The following KCNH3 variants were observed in gnomAD, a reference collection of about 807,000 sequenced individuals.
The protein encoded by KCNH3 is voltage-gated inwardly rectifying potassium channel KCNH3.
Under a neutral mutation model 95.6 loss-of-function variants are expected in KCNH3, and 36 were observed. That is an observed-to-expected ratio of 0.38 (90% CI 0.29 to 0.50). KCNH3 has a LOEUF of 0.50. Ranked by LOEUF, KCNH3 falls within the 20% of genes least tolerant of loss-of-function variation. The pLI, the probability that KCNH3 is intolerant of heterozygous loss-of-function variation, is 0.95. For missense variants in KCNH3, 1,030 were observed against 1,484.1 expected, an observed-to-expected ratio of 0.69 and a Z score of 5.03; for synonymous variants, 620 against 646.3, an observed-to-expected ratio of 0.96 and a Z score of 0.62.
intron 3 of KCNH3, among the ~76,000 whole-genome samples, chr12:49,542,328 C>T (rs903822286): frequency 8.5e-5 from 13 of 152,226 alleles, no homozygotes; most frequent in Non-Finnish European, 2.9e-5. Context: ...CTGGTCCCTG[C>T]ACTAGCTCCT....
chr12:49,540,946 GTGGTCTACTGCTC>G lies in KCNH3; in HGVS notation c.127_139del (p.Val43MetfsTer51), dbSNP rs753141258. On this transcript the variant is annotated frameshift_variant, in exon 2 of 15. Coordinates refer to ENST00000257981, the MANE Select transcript of KCNH3 (RefSeq NM_012284.3). LOFTEE classifies it high-confidence loss of function. ...CGCCCAGGTGGCGGGGCTCTTCCCC[GTGGTCTACTGCTC>G]TGATGGCTTCTGTGACCTCACGGGC... The G allele has an allele frequency of 6.2e-7, 1 of 1,614,166 alleles. No individual in the cohort carries two copies. Among genetic ancestry groups the G allele is most frequent in the African/African-American group, 1.3e-5 (1 of 75,078 alleles).
chr12:49,548,916 G>A lies in KCNH3; in HGVS notation c.1211G>A (p.Arg404His). 3 of 1,583,850 alleles carry A rather than the reference G, an allele frequency of 1.9e-6. No individual in the cohort carries two copies. The highest frequency in any genetic ancestry group is 1.7e-6 in the Non-Finnish European group (2 of 1,165,980). Residue 404 changes from arginine (R) to histidine (H), a missense_variant, in exon 8 of 15, where the codon CGC becomes CAC. Arg to His is a conservative substitution (Grantham distance 29). Transcript: ENST00000257981. ...PEIGWLQELA[R>H]RLETPYYLVG... ...TCAGGCTGGCTGCAGGAGCTGGCCCGCCGACTGGAGACTCCCTACTACCTG... is the reference window on the plus strand; with the variant it reads ...TCAGGCTGGCTGCAGGAGCTGGCCCACCGACTGGAGACTCCCTACTACCTG...
In KCNH3 at chr12:49,539,391, G is replaced by A; in HGVS notation, c.-26G>A. The A allele has an allele frequency of 2.0e-6, 3 of 1,513,408 alleles. No individual in the cohort carries two copies. Among genetic ancestry groups the A allele is most frequent in the Non-Finnish European group, 2.6e-6 (3 of 1,136,430 alleles). The allele number at this position is 1,513,408 out of a possible 1,614,324, so 93.7% of individuals were successfully genotyped here. On this transcript the variant is annotated 5_prime_UTR_variant, in exon 1 of 15. It removes an upstream start codon present in the reference 5' UTR. Transcript: ENST00000257981. The surrounding 1 kb of genome is among the most constrained non-coding windows in gnomAD (Gnocchi z 6.7). ...CGGAGTCCCCGCACCCCGGAGGGAT[G>A]GGGCGGGCAGCCGCGGGCGCCTAAG...
Position 49,557,779 on chromosome 12 carries a change from G to A in KCNH3, c.3078G>A (p.Arg1026=). 6.2e-7 allele frequency: 1 copy of A among 1,610,630 alleles called. No homozygotes were observed. The highest frequency in any genetic ancestry group is 2.2e-5 in the East Asian group (1 of 44,768). Residue 1026 remains arginine (R), a synonymous_variant, in exon 15 of 15, where the codon AGG becomes AGA. Transcript: ENST00000257981. ...ASPPPSEEGA[R]TGPAEPVSQA... is the part of the protein sequence containing the mutation. Reference sequence around the variant, plus strand: ...CTCCTCCTTCTGAGGAAGGGGCTAGGACTGGGCCCGCAGAGCCTGTGAGCC... The same window carrying A: ...CTCCTCCTTCTGAGGAAGGGGCTAGAACTGGGCCCGCAGAGCCTGTGAGCC...
chr12:49,548,287 C>T (rs1221130863), intron 7 of KCNH3, among the ~76,000 whole-genome samples: 1 of 152,180 alleles, frequency 6.6e-6, no homozygotes, highest in Admixed American at 6.5e-5. Flanking sequence ...TGTGTTGAGG[C>T]GCCTGTAAGG....
chr12:49,554,190 T>C, intron 10 of KCNH3, 147 bp from the exon 11 acceptor site: 2 of 682,920 alleles, frequency 2.9e-6, no homozygotes, highest in Admixed American at 4.6e-5. Flanking sequence ...GTCCCAGGCC[T>C]CTTTGCTCCT....
In KCNH3 at chr12:49,542,776, C is replaced by T. The variant is rs149910570; in HGVS notation, c.516C>T (p.Ala172=). 27 of 1,597,230 alleles carry T rather than the reference C, an allele frequency of 1.7e-5. No homozygotes were observed. Among genetic ancestry groups the T allele is most frequent in the Admixed American group, 1.6e-4 (9 of 56,594 alleles). The change falls in exon 4 of 15, where the codon GCC becomes GCT. Residue 172 remains alanine (A), a synonymous_variant. Transcript: ENST00000257981. ...GFNANRRRSR[A]VLYHLSGHLQ... is the part of the protein sequence containing the mutation. ...ATGCCAACCGGCGGCGGAGCCGGGC[C>T]GTGCTCTACCACCTGTCCGGGCACC... is the stretch of plus-strand genomic sequence containing the variant.
At chr12:49,556,255 G>A (rs935945122) in intron 12 of KCNH3, 115 bp from the exon 13 acceptor site, 1 of 780,698 alleles carries the variant, frequency 1.3e-6, no homozygotes, top group Non-Finnish European at 2.2e-6. Flanking sequence ...CTGGGCTCCT[G>A]GTCAGTTCCA....
chr12:49,556,130 ACT>A lies in KCNH3; in HGVS notation c.2468+180_2468+181del, dbSNP rs1033413580. Reference sequence around the variant, plus strand: ...CTCCTTTCTCCTGCTGTCCCACTCCACTGTGTGGTGTGTGGCACACGCTGCTC... The same window carrying A: ...CTCCTTTCTCCTGCTGTCCCACTCCAGTGTGGTGTGTGGCACACGCTGCTC... On this transcript the variant is annotated intron_variant, in intron 12 of 14. Transcript: ENST00000257981. The A allele has an allele frequency of 6.1e-5, 36 of 594,954 alleles. No individual in the cohort carries two copies. The African/African-American group carries it at 6.1e-4, about 10-fold the overall frequency. The allele number at this position is 594,954 out of a possible 1,614,324, so 36.9% of individuals were successfully genotyped here.
chr12:49,558,293 A>AT lies in KCNH3; in HGVS notation c.*341dup, dbSNP rs1420826682. On this transcript the variant is annotated 3_prime_UTR_variant, in exon 15 of 15. Transcript: ENST00000257981. ...TTTTATATTAAAAAAAAAAAATAAAATAAACTACTTTGGAACCTGGTGCTT... is the reference window on the plus strand; with the variant it reads ...TTTTATATTAAAAAAAAAAAATAAAATTAAACTACTTTGGAACCTGGTGCTT... 1 of 397,038 alleles carries AT rather than the reference A, an allele frequency of 2.5e-6. No homozygotes were observed. The highest frequency in any genetic ancestry group is 4.4e-6 in the Non-Finnish European group (1 of 226,138). 24.6% of individuals were successfully genotyped at this position (397,038 alleles called of 1,614,324 possible). A position where few individuals can be genotyped will look rare whatever the true frequency, so the allele number is the denominator to read the frequency against.
intron 8 of KCNH3, 24 bp from the exon 9 acceptor site, chr12:49,549,416 AC>A (rs746655947): frequency 1.9e-6 from 3 of 1,609,966 alleles, no homozygotes; most frequent in African/African-American, 2.7e-5. Context: ...CCCCTAGGTG[AC>A]CCCCTCTCGT....
chr12:49,552,051 G>A (rs1592507873), intron 10 of KCNH3, among the ~76,000 whole-genome samples: 1 of 152,162 alleles, frequency 6.6e-6, no homozygotes, highest in Non-Finnish European at 1.5e-5. Flanking sequence ...GCCTACATGC[G>A]GTTTATGCCA....
At chr12:49,541,361 G>A (rs557557237) in intron 2 of KCNH3, among the ~76,000 whole-genome samples, 1 of 152,082 alleles carries the variant, frequency 6.6e-6, no homozygotes, top group Non-Finnish European at 1.5e-5. Flanking sequence ...TTCCAACCTC[G>A]GGTTTCCCGC....
intron 11 of KCNH3, among the ~76,000 whole-genome samples, chr12:49,555,316 G>A (rs1018858938): frequency 7.3e-5 from 11 of 151,344 alleles, no homozygotes; most frequent in African/African-American, 2.4e-4. Flanking sequence ...GCCGGGTGTG[G>A]TGGCGGGCGC....
At chr12:49,549,694 A>T (rs757519807) in intron 9 of KCNH3, 54 bp downstream of exon 9, 153 of 1,504,482 alleles carry the variant, frequency 1.0e-4, no homozygotes, top group Non-Finnish European at 4.2e-5. Flanking sequence ...GGGGTTTGCA[A>T]TAGCCTAGAA....
At position 49,542,815 on chromosome 12, in the gene KCNH3, C is replaced by T. The variant is rs771724939; in HGVS notation, c.555C>T (p.Pro185=). 42 of 1,605,594 alleles carry T rather than the reference C, an allele frequency of 2.6e-5. No homozygotes were observed. Among genetic ancestry groups the T allele is most frequent in the Non-Finnish European group, 3.5e-5 (41 of 1,177,240 alleles). Residue 185 remains proline, a synonymous_variant, in exon 4 of 15, where the codon CCC becomes CCT. Transcript: ENST00000257981. Reference sequence around the variant, plus strand: ...TGTCCGGGCACCTGCAGAAGCAGCCCAAGGGCAAGCACAAGCTCAATAAGG... The same window carrying T: ...TGTCCGGGCACCTGCAGAAGCAGCCTAAGGGCAAGCACAAGCTCAATAAGG... ...YHLSGHLQKQ[P]KGKHKLNKGV...
chr12:49,550,049 C>T, intron 9 of KCNH3, 31 bp from the exon 10 acceptor site: 3 of 1,379,296 alleles, frequency 2.2e-6, no homozygotes, highest in Non-Finnish European at 3.0e-6. Flanking sequence ...CCACTCCCAA[C>T]CCCCCCACCC....
intron 10 of KCNH3, among the ~76,000 whole-genome samples, chr12:49,551,243 A>G (rs368139519): frequency 6.6e-6 from 1 of 152,270 alleles, no homozygotes; most frequent in East Asian, 1.9e-4. Context: ...TTGGGAGCAC[A>G]TTCTAACTCT....
At chr12:49,541,241 C>T (rs11169064) in intron 2 of KCNH3, 109 bp downstream of exon 2, 29 of 812,898 alleles carry the variant, frequency 3.6e-5, no homozygotes, top group South Asian at 8.2e-5. Context: ...TCCATCTCCC[C>T]ATGTCATCCC....
Sources: allele counts gnomAD v4.1 joint callset (sites outside exome capture counted in the v4.1 genomes callset), GRCh38; gene constraint gnomAD v4.1.1; non-coding constraint Gnocchi (gnomAD v3.1); transcripts MANE v1.5; gene names NCBI Gene and HGNC (gene_info 2026-07-23, HGNC 2026-07-21).